PSD3: variants seen among roughly 807,000 people sequenced by gnomAD.
PSD3 encodes pleckstrin and Sec7 domain containing 3, also known as PH and SEC7 domain-containing protein 3.
PSD3 carries 49 observed loss-of-function variants against 105.5 expected under a neutral mutation model. That is an observed-to-expected ratio of 0.46 (90% CI 0.37 to 0.59). The LOEUF (loss-of-function observed/expected upper bound fraction) is 0.59, where lower values mean the gene tolerates loss of function less well. PSD3 is among the 20% of genes least tolerant of loss of function. The pLI is 0.00. For synonymous variants in PSD3, 557 were observed against 457.8 expected (o/e 1.22, Z -2.77); for missense variants, 1,561 against 1,263.8 (o/e 1.24, Z -3.57).
chr8:18,690,890 T>C (rs763332565), intron 9 of PSD3, among the ~76,000 whole-genome samples: 2 of 152,116 alleles, frequency 1.3e-5, no homozygotes, highest in African/African-American at 2.4e-5. Context: ...GACATAAAAC[T>C]GCAAAGTTTT....
At chr8:18,743,512 C>T (rs908681062) in intron 9 of PSD3, among the ~76,000 whole-genome samples, 1 of 152,066 alleles carries the variant, frequency 6.6e-6, no homozygotes, top group Non-Finnish European at 1.5e-5. Flanking sequence ...TTGGTGGGTC[C>T]AGTCTTTACT....
At chr8:18,918,343 C>A (rs1224184438) in intron 2 of PSD3, among the ~76,000 whole-genome samples, 3 of 152,194 alleles carry the variant, frequency 2.0e-5, no homozygotes, top group African/African-American at 7.2e-5. Context: ...TTCCAAGAAG[C>A]CTTCTCTCCA....
chr8:18,658,381 CTTT>C (rs1809055872), intron 9 of PSD3, among the ~76,000 whole-genome samples: 1 of 152,194 alleles, frequency 6.6e-6, no homozygotes, highest in Non-Finnish European at 1.5e-5. Context: ...CTTGATTCTT[CTTT>C]ATCTCTAACC....
chr8:18,747,087 A>G (rs1805092233), intron 9 of PSD3, among the ~76,000 whole-genome samples: 1 of 152,226 alleles, frequency 6.6e-6, no homozygotes, highest in Admixed American at 6.5e-5. Context: ...AACCCTATAG[A>G]TTTTAAGATT....
At position 18,792,094 on chromosome 8, in the gene PSD3, G is replaced by A. The variant is rs954067223; in HGVS notation, c.2082+7201C>T. 7.9e-5 allele frequency among the ~76,000 whole-genome samples: 12 copies of A among 152,264 alleles called. 1 individual carries two copies. Among genetic ancestry groups the A allele is most frequent in the East Asian group, 5.8e-4 (3 of 5,182 alleles). On this transcript the variant is annotated intron_variant, in intron 8 of 15. Transcript: ENST00000327040. ...ATGATGGCGAGGTTGTGAAGAAAAA[G>A]GAATGCTTTTACGCTGTTGGTGGGA...
At chr8:18,573,380 G>C (rs899848110) in intron 13 of PSD3, among the ~76,000 whole-genome samples, 2 of 152,144 alleles carry the variant, frequency 1.3e-5, no homozygotes, top group Admixed American at 6.5e-5. Context: ...TGAGGCAGGA[G>C]AATCACTTGT....
intron 9 of PSD3, among the ~76,000 whole-genome samples, chr8:18,728,212 T>G (rs2129430091): frequency 6.6e-6 from 1 of 152,314 alleles, no homozygotes; most frequent in East Asian, 1.9e-4. Flanking sequence ...ATGGAATTTC[T>G]GCACCGTACA....
chr8:18,942,521 G>A (rs1000327269), intron 1 of PSD3, among the ~76,000 whole-genome samples: 5 of 152,126 alleles, frequency 3.3e-5, no homozygotes, highest in African/African-American at 1.2e-4. Context: ...CTAACCCCCA[G>A]TACCTCAAAT....
intron 1 of PSD3, among the ~76,000 whole-genome samples, chr8:18,968,862 CA>C (rs200852174): frequency 2.8e-5 from 1 of 35,494 alleles, no homozygotes; most frequent in East Asian, 1.1e-3. Flanking sequence ...CGTGACAGAG[CA>C]AAAAAAAAAT....
chr8:18,752,581 ATATAT>A (rs1805658466), intron 9 of PSD3, among the ~76,000 whole-genome samples: 1 of 76,336 alleles, frequency 1.3e-5, no homozygotes, highest in African/African-American at 7.1e-5. Flanking sequence ...ATATAATTAT[ATATAT>A]TATATATTAT....
chr8:19,010,832 G>A (rs1826918858), intron 1 of PSD3, among the ~76,000 whole-genome samples: 1 of 152,000 alleles, frequency 6.6e-6, no homozygotes, highest in African/African-American at 2.4e-5. Context: ...AGGAAGAACT[G>A]AGAGGCAATA....
chr8:18,690,769 C>T (rs562408411), intron 9 of PSD3, among the ~76,000 whole-genome samples: 50 of 152,326 alleles, frequency 3.3e-4, no homozygotes, highest in African/African-American at 1.1e-3. Flanking sequence ...CTGTCTGGTC[C>T]GTCACCCTTC....
intron 14 of PSD3, among the ~76,000 whole-genome samples, chr8:18,562,310 G>A (rs1178601659): frequency 6.6e-6 from 1 of 152,192 alleles, no homozygotes; most frequent in East Asian, 1.9e-4. Context: ...AGAAGATGGA[G>A]ATCCAGAGAG....
chr8:18,731,028 T>C (rs1426025209), intron 9 of PSD3, among the ~76,000 whole-genome samples: 1 of 149,692 alleles, frequency 6.7e-6, no homozygotes, highest in Non-Finnish European at 1.5e-5. Context: ...ATTCACCCCT[T>C]TACCTCCCCC....
rs76334716 is a variant in PSD3, at chr8:18,821,972, T to G, written c.1635-17074A>C. 1.8e-4 allele frequency among the ~76,000 whole-genome samples: 28 copies of G among 152,056 alleles called. No individual in the cohort carries two copies. The East Asian group carries it at 5.2e-3, about 28-fold the overall frequency. ...CTGGCAAGTAATCGAGTTCTTTAAC[T>G]TCTAAGCCCCCGACTGCAGAGTCAC... On this transcript the variant is annotated intron_variant, in intron 4 of 15. Coordinates refer to ENST00000327040, the MANE Select transcript of PSD3 (RefSeq NM_015310.4).
At chr8:18,718,648 G>A (rs996218613) in intron 9 of PSD3, among the ~76,000 whole-genome samples, 12 of 152,128 alleles carry the variant, frequency 7.9e-5, no homozygotes, top group Non-Finnish European at 1.2e-4. Context: ...TTTGAACATA[G>A]CACTCTCCTA....
intron 4 of PSD3, among the ~76,000 whole-genome samples, chr8:18,809,111 G>A (rs1371825133): frequency 6.6e-6 from 1 of 152,134 alleles, no homozygotes; most frequent in East Asian, 1.9e-4. Context: ...ACCCCATTTT[G>A]TTTTCTTGAA....
intron 9 of PSD3, among the ~76,000 whole-genome samples, chr8:18,752,537 T>TAA (rs1304230415): frequency 1.6e-4 from 5 of 30,880 alleles, no homozygotes; most frequent in African/African-American, 8.7e-4. Context: ...TAATTATATA[T>TAA]TATATATATT....
chr8:19,003,162 C>T (rs1826489889), intron 1 of PSD3, among the ~76,000 whole-genome samples: 1 of 152,004 alleles, frequency 6.6e-6, no homozygotes, highest in Non-Finnish European at 1.5e-5. Flanking sequence ...AATTCAAGGG[C>T]ACACTCCAAC....
Sources: gnomAD v4.1 joint callset for allele counts (sites outside exome capture counted in the v4.1 genomes callset) on GRCh38, gnomAD v4.1.1 for gene constraint, MANE v1.5 for transcripts, NCBI Gene and HGNC (gene_info 2026-07-23, HGNC 2026-07-21) for gene names.